Variants in C12orf54 observed in about 807,000 individuals in gnomAD.
C12orf54 encodes the protein uncharacterized protein C12orf54.
A neutral mutation model predicts 26.4 loss-of-function variants in C12orf54; 24 were observed. The ratio of observed to expected loss-of-function variants is 0.91; its 90% CI spans 0.66 to 1.28. C12orf54 has a LOEUF of 1.28. Among genes scored for constraint, C12orf54 ranks in the 50% most tolerant of loss-of-function variants. The pLI, the probability that C12orf54 is intolerant of heterozygous loss-of-function variation, is 0.00. For missense variants in C12orf54, 154 were observed against 150.9 expected (o/e 1.02, Z -0.11); for synonymous variants, 54 against 47.0 (o/e 1.15, Z -0.61).
the C12orf54 span, chr12:48,417,370 A>C: frequency 6.6e-6 from 1 of 152,154 alleles, no homozygotes; most frequent in East Asian, 1.9e-4. Flanking sequence ...GAATAAAATA[A>C]ATGTTTTAAA....
At chr12:48,420,790 A>C in the C12orf54 span, among the ~76,000 whole-genome samples, 2 of 152,176 alleles carry the variant, frequency 1.3e-5, no homozygotes, top group Admixed American at 1.3e-4. Context: ...TTGGTTTCAG[A>C]AGAGTTGAGT....
At chr12:48,478,160 C>T (rs1954163006), upstream of C12orf54, among the ~76,000 whole-genome samples, 1 of 152,162 alleles carries the variant, frequency 6.6e-6, no homozygotes, top group African/African-American at 2.4e-5. Flanking sequence ...ATGATTATCT[C>T]AATAGATGCA....
chr12:48,480,172 T>C (rs1427726688), upstream of C12orf54, among the ~76,000 whole-genome samples: 1 of 152,206 alleles, frequency 6.6e-6, no homozygotes, highest in Non-Finnish European at 1.5e-5. Flanking sequence ...TTGAATATCT[T>C]TCAGTGTTTT....
chr12:48,469,865 T>A, the C12orf54 span, among the ~76,000 whole-genome samples: 1 of 152,176 alleles, frequency 6.6e-6, no homozygotes, highest in African/African-American at 2.4e-5. Context: ...CCCACTCTAG[T>A]TGTCCCCAAC....
chr12:48,429,013 T>TAC, the C12orf54 span, among the ~76,000 whole-genome samples: 1 of 152,118 alleles, frequency 6.6e-6, no homozygotes, highest in Non-Finnish European at 1.5e-5. Context: ...CGGTTTAACA[T>TAC]ACGCAAGTCA....
chr12:48,452,294 G>C, the C12orf54 span, among the ~76,000 whole-genome samples: 3 of 152,132 alleles, frequency 2.0e-5, no homozygotes, highest in Non-Finnish European at 4.4e-5. Flanking sequence ...GCAGATAGTT[G>C]AAACTGGACC....
intron 7 of C12orf54, among the ~76,000 whole-genome samples, chr12:48,493,361 TG>T (rs1937833642): frequency 6.6e-6 from 1 of 152,014 alleles, no homozygotes; most frequent in African/African-American, 2.4e-5. Flanking sequence ...AGGCTGGGTG[TG>T]GGGTGGTTCA....
chr12:48,492,514 G>A (rs1404639227), intron 6 of C12orf54, among the ~76,000 whole-genome samples: 2 of 152,302 alleles, frequency 1.3e-5, no homozygotes, highest in East Asian at 3.9e-4. Context: ...GTGGATTTAG[G>A]ATCTAACAGC....
intron 4 of C12orf54, among the ~76,000 whole-genome samples, chr12:48,487,672 G>A (rs1305953398): frequency 1.3e-5 from 2 of 152,126 alleles, no homozygotes; most frequent in Non-Finnish European, 1.5e-5. Context: ...ATCATTGAGA[G>A]GCAACGAATT....
At chr12:48,481,003 G>T (rs1954192738), upstream of C12orf54, among the ~76,000 whole-genome samples, 1 of 152,120 alleles carries the variant, frequency 6.6e-6, no homozygotes, top group African/African-American at 2.4e-5. Context: ...CCTGTAAGTG[G>T]AAGCTACACT....
At chr12:48,443,255 G>A in the C12orf54 span, among the ~76,000 whole-genome samples, 2 of 152,028 alleles carry the variant, frequency 1.3e-5, no homozygotes, top group Admixed American at 6.6e-5. Flanking sequence ...GTAAACTATT[G>A]CTAATGATCT....
the C12orf54 span, among the ~76,000 whole-genome samples, chr12:48,424,200 T>A: frequency 1.3e-5 from 2 of 152,114 alleles, no homozygotes; most frequent in Non-Finnish European, 2.9e-5. Context: ...GTAAATCCCA[T>A]CTTGTCGTGA....
At chr12:48,423,444 A>G in the C12orf54 span, among the ~76,000 whole-genome samples, 1 of 152,134 alleles carries the variant, frequency 6.6e-6, no homozygotes, top group African/African-American at 2.4e-5. Flanking sequence ...AAGATTAAGT[A>G]TAGGCAAACT....
At chr12:48,421,317 C>T in the C12orf54 span, among the ~76,000 whole-genome samples, 2 of 141,816 alleles carry the variant, frequency 1.4e-5, no homozygotes, top group Admixed American at 7.4e-5. Flanking sequence ...GAACAGAGAG[C>T]GCAGGGAGGT....
chr12:48,454,397 C>A, the C12orf54 span, among the ~76,000 whole-genome samples: 1 of 152,270 alleles, frequency 6.6e-6, no homozygotes, highest in African/African-American at 2.4e-5. Context: ...CCGCACCCGG[C>A]CAAGACTGTT....
chr12:48,449,018 C>A, the C12orf54 span, among the ~76,000 whole-genome samples: 2 of 152,088 alleles, frequency 1.3e-5, no homozygotes, highest in African/African-American at 2.4e-5. Flanking sequence ...AGGCTATAGG[C>A]AAATTTAAAC....
chr12:48,483,128 A>T lies in C12orf54; in HGVS notation c.-57-112A>T, dbSNP rs1592198151. On this transcript the variant is annotated intron_variant, in intron 1 of 8. Transcript: ENST00000548364. ...AGCACACACATGCACATGCACACTC[A>T]CCCATTCAAAATACAAATGCTCCAT... The T allele has an allele frequency of 4.9e-6, 3 of 607,062 alleles. No individual in the cohort carries two copies. In the East Asian group the frequency reaches 8.4e-5, roughly 17 times the overall value. 37.6% of individuals were successfully genotyped at this position (607,062 alleles called of 1,614,324 possible).
the C12orf54 span, among the ~76,000 whole-genome samples, chr12:48,423,699 T>C: frequency 6.6e-6 from 1 of 152,126 alleles, no homozygotes; most frequent in African/African-American, 2.4e-5. Flanking sequence ...TGATTTTTAA[T>C]ATCTTGTACT....
chr12:48,436,413 T>C, the C12orf54 span, among the ~76,000 whole-genome samples: 1 of 152,284 alleles, frequency 6.6e-6, no homozygotes, highest in South Asian at 2.1e-4. Flanking sequence ...GCGGACCTAA[T>C]AGACATCTAC....
Sources: gnomAD v4.1 joint callset for allele counts (sites outside exome capture counted in the v4.1 genomes callset) on GRCh38, gnomAD v4.1.1 for gene constraint, MANE v1.5 for transcripts, NCBI Gene and HGNC (gene_info 2026-07-23, HGNC 2026-07-21) for gene names.